Variants in KLF12 observed in about 807,000 individuals in gnomAD.
The protein encoded by KLF12 is Krueppel-like factor 12.
In KLF12, 9 loss-of-function variants were observed where a neutral mutation model predicts 37.8. That is an observed-to-expected ratio of 0.24 (90% CI 0.14 to 0.42). The LOEUF is 0.42. Among genes scored for constraint, KLF12 ranks in the 10% least tolerant of loss-of-function variants. The pLI is 1.00. For synonymous variants in KLF12, 208 were observed against 202.1 expected (o/e 1.03, Z -0.25); for missense variants, 411 against 516.0 (o/e 0.80, Z 1.97).
intron 2 of KLF12, among the ~76,000 whole-genome samples, chr13:73,946,484 T>C (rs565884882): frequency 3.9e-5 from 6 of 152,334 alleles, no homozygotes; most frequent in African/African-American, 1.4e-4. Context: ...CATTTAAGTA[T>C]CACTATATAT....
chr13:73,911,771 G>A (rs540020999), intron 3 of KLF12, among the ~76,000 whole-genome samples: 31 of 152,156 alleles, frequency 2.0e-4, no homozygotes, highest in Non-Finnish European at 3.2e-4. Context: ...ACTAAAAGTT[G>A]CATTCTTTAT....
intron 1 of KLF12, among the ~76,000 whole-genome samples, chr13:74,085,985 T>C (rs1212448490): frequency 1.3e-5 from 2 of 151,504 alleles, no homozygotes; most frequent in Non-Finnish European, 2.9e-5. Context: ...CTGCTTTATA[T>C]TTTTGATATA....
chr13:73,704,595 T>A (rs1393834720), intron 7 of KLF12, among the ~76,000 whole-genome samples: 1 of 152,214 alleles, frequency 6.6e-6, no homozygotes, highest in Non-Finnish European at 1.5e-5. Context: ...TTTCTAATGA[T>A]TCTGTTTCTC....
At chr13:74,120,256 C>T (rs767038760) in intron 1 of KLF12, among the ~76,000 whole-genome samples, 14 of 152,226 alleles carry the variant, frequency 9.2e-5, no homozygotes, top group South Asian at 2.1e-4. Flanking sequence ...CCAAGGTGGG[C>T]GGATCACCTG....
At chr13:73,902,850 A>T (rs73523204) in intron 3 of KLF12, among the ~76,000 whole-genome samples, 7,155 of 152,260 alleles carry the variant, frequency 0.047, 386 homozygotes, top group African/African-American at 0.13. Flanking sequence ...TGTAACTAGG[A>T]TTGCTGAAAG....
chr13:74,257,081 G>A, the KLF12 span: 2 of 152,160 alleles, frequency 1.3e-5, no homozygotes, highest in Admixed American at 6.5e-5. Flanking sequence ...TCTGTAATGA[G>A]CCAGGGCCAG....
chr13:73,732,763 C>T (rs543568981), intron 6 of KLF12, among the ~76,000 whole-genome samples: 26 of 152,162 alleles, frequency 1.7e-4, no homozygotes, highest in African/African-American at 6.3e-4. Context: ...TTCAAACTCT[C>T]CCTTCCCTGA....
At chr13:74,025,445 T>C (rs1469244106) in intron 1 of KLF12, among the ~76,000 whole-genome samples, 3 of 152,266 alleles carry the variant, frequency 2.0e-5, no homozygotes, top group South Asian at 4.1e-4. Flanking sequence ...TGTCTGAATA[T>C]ATCTGATGCT....
At chr13:74,153,893 T>C in the KLF12 span, among the ~76,000 whole-genome samples, 5 of 152,190 alleles carry the variant, frequency 3.3e-5, no homozygotes, top group Non-Finnish European at 7.3e-5. Context: ...GGTGATGTTT[T>C]TGTTCTAGAT....
intron 7 of KLF12, among the ~76,000 whole-genome samples, chr13:73,705,315 C>T (rs895669716): frequency 1.3e-5 from 2 of 152,080 alleles, no homozygotes; most frequent in African/African-American, 4.8e-5. Context: ...GCTCTGTCGC[C>T]CAGGCTGGAG....
the KLF12 span, among the ~76,000 whole-genome samples, chr13:74,289,509 A>G: frequency 6.6e-6 from 1 of 152,214 alleles, no homozygotes; most frequent in Non-Finnish European, 1.5e-5. Context: ...GCCCAACTCC[A>G]TATTATGGCA....
chr13:73,928,407 A>G (rs1363055365), intron 3 of KLF12, among the ~76,000 whole-genome samples: 1 of 152,232 alleles, frequency 6.6e-6, no homozygotes, highest in Non-Finnish European at 1.5e-5. Flanking sequence ...CTTCTCAATG[A>G]ATTGAGAAAA....
chr13:74,070,303 G>A (rs1874154997), intron 1 of KLF12, among the ~76,000 whole-genome samples: 1 of 152,192 alleles, frequency 6.6e-6, no homozygotes, highest in Non-Finnish European at 1.5e-5. Flanking sequence ...TGAAACCACT[G>A]TGCTTAGCAG....
At chr13:74,068,145 A>G (rs1874023978) in intron 1 of KLF12, among the ~76,000 whole-genome samples, 1 of 152,232 alleles carries the variant, frequency 6.6e-6, no homozygotes, top group African/African-American at 2.4e-5. Flanking sequence ...TTTATGCAGT[A>G]ATGCCTTATT....
chr13:73,859,365 T>C (rs1005293956), intron 3 of KLF12, among the ~76,000 whole-genome samples: 7 of 152,196 alleles, frequency 4.6e-5, no homozygotes, highest in South Asian at 2.1e-4. Flanking sequence ...CAGTGGAACA[T>C]AGACCTGTAA....
At chr13:73,705,753 A>G (rs1165449271) in intron 7 of KLF12, among the ~76,000 whole-genome samples, 7 of 152,348 alleles carry the variant, frequency 4.6e-5, no homozygotes, top group African/African-American at 1.7e-4. Context: ...AGAAAGACTG[A>G]AGATATTATT....
At chr13:74,222,609 A>G in the KLF12 span, among the ~76,000 whole-genome samples, 1 of 152,228 alleles carries the variant, frequency 6.6e-6, no homozygotes, top group Non-Finnish European at 1.5e-5. Flanking sequence ...AAAAAGCTTT[A>G]GAATCAGTGG....
At chr13:73,974,066 A>T (rs948576583) in intron 2 of KLF12, among the ~76,000 whole-genome samples, 4 of 152,164 alleles carry the variant, frequency 2.6e-5, no homozygotes, top group Non-Finnish European at 4.4e-5. Flanking sequence ...TCCAAAGAAT[A>T]CAGAGGAGGA....
chr13:74,198,262 A>T, the KLF12 span, among the ~76,000 whole-genome samples: 439 of 152,258 alleles, frequency 2.9e-3, 3 homozygotes, highest in African/African-American at 0.01. Context: ...ACCCTGGGGT[A>T]TGGTGAAAGC....
Sources: allele counts gnomAD v4.1 joint callset (sites outside exome capture counted in the v4.1 genomes callset), GRCh38; gene constraint gnomAD v4.1.1; transcripts MANE v1.5; gene names NCBI Gene and HGNC (gene_info 2026-07-23, HGNC 2026-07-21).